PDE4D: variants seen among roughly 807,000 people sequenced by gnomAD.
PDE4D encodes 3',5'-cyclic-AMP phosphodiesterase 4D.
PDE4D carries 24 observed loss-of-function variants against 87.4 expected under a neutral mutation model. The ratio of observed to expected loss-of-function variants is 0.27; its 90% CI spans 0.20 to 0.39. PDE4D has a LOEUF of 0.39. Among genes scored for constraint, PDE4D ranks in the 10% least tolerant of loss-of-function variants. The probability of loss-of-function intolerance (pLI) is 1.00; values close to 1 mark genes in which losing one functional copy is unlikely to be tolerated. For synonymous variants in PDE4D, 384 were observed against 383.2 expected (o/e 1.00, Z -0.02); for missense variants, 714 against 1,041.0 (o/e 0.69, Z 4.32).
At chr5:60,139,293 C>T (rs1188581325) in intron 2 of PDE4D, among the ~76,000 whole-genome samples, 1 of 152,068 alleles carries the variant, frequency 6.6e-6, no homozygotes, top group East Asian at 1.9e-4. Context: ...ATGCTACACT[C>T]ATCAGGTTTT....
chr5:59,036,892 T>C (rs1388166662), intron 6 of PDE4D, among the ~76,000 whole-genome samples: 1 of 152,184 alleles, frequency 6.6e-6, no homozygotes, highest in Non-Finnish European at 1.5e-5. Flanking sequence ...GACTACATTT[T>C]GAAAAAATTA....
At chr5:59,252,696 A>C (rs1056496811) in intron 1 of PDE4D, among the ~76,000 whole-genome samples, 4 of 151,812 alleles carry the variant, frequency 2.6e-5, no homozygotes, top group Non-Finnish European at 4.4e-5. Context: ...GAATTTTTAA[A>C]AATATTTTTT....
At chr5:59,250,208 G>A (rs556916282) in intron 1 of PDE4D, among the ~76,000 whole-genome samples, 2 of 151,434 alleles carry the variant, frequency 1.3e-5, no homozygotes, top group African/African-American at 4.8e-5. Flanking sequence ...ACTATTTTAA[G>A]GGCTGGGCAT....
At chr5:60,485,711 AT>A (rs1253423473) in intron 1 of PDE4D, among the ~76,000 whole-genome samples, 1 of 151,764 alleles carries the variant, frequency 6.6e-6, no homozygotes, top group East Asian at 1.9e-4. Flanking sequence ...TGTTTGGGAG[AT>A]TTTTTTTGCT....
intron 6 of PDE4D, among the ~76,000 whole-genome samples, chr5:59,019,181 T>C (rs1438477234): frequency 6.6e-6 from 1 of 152,068 alleles, no homozygotes; most frequent in East Asian, 1.9e-4. Context: ...AAGTCTTATG[T>C]ATGCTGTCAC....
At chr5:60,043,321 T>C (rs1477806612) in intron 2 of PDE4D, among the ~76,000 whole-genome samples, 1 of 152,184 alleles carries the variant, frequency 6.6e-6, no homozygotes, top group Non-Finnish European at 1.5e-5. Context: ...TTACGTTTGA[T>C]TGGTGTACCT....
chr5:59,163,109 T>TC (rs1781385067), intron 5 of PDE4D, among the ~76,000 whole-genome samples: 1 of 124,952 alleles, frequency 8.0e-6, no homozygotes, highest in South Asian at 2.3e-4. Flanking sequence ...CCTGGCTACT[T>TC]TTTTTTTTTT....
intron 5 of PDE4D, among the ~76,000 whole-genome samples, chr5:59,057,801 A>C (rs940434042): frequency 6.6e-5 from 10 of 152,214 alleles, no homozygotes; most frequent in East Asian, 5.8e-4. Context: ...AAAATAAATT[A>C]GCAGTCTGGA....
At chr5:59,470,379 G>A (rs1339406132) in intron 1 of PDE4D, among the ~76,000 whole-genome samples, 2 of 152,054 alleles carry the variant, frequency 1.3e-5, no homozygotes, top group Non-Finnish European at 2.9e-5. Context: ...ACTGTCCCCT[G>A]GTTCTTGTTA....
chr5:59,866,452 T>C (rs1747054392), intron 1 of PDE4D, among the ~76,000 whole-genome samples: 1 of 152,124 alleles, frequency 6.6e-6, no homozygotes, highest in Non-Finnish European at 1.5e-5. Context: ...GCTTATTCCA[T>C]CACAAAGAAA....
intron 1 of PDE4D, among the ~76,000 whole-genome samples, chr5:59,348,623 CTT>C (rs5868176): frequency 3.8e-5 from 5 of 130,064 alleles, no homozygotes; most frequent in Admixed American, 8.0e-5. Context: ...CACTTCAAAG[CTT>C]TTTTTTTTTT....
At chr5:60,156,862 T>A (rs1440128424) in intron 2 of PDE4D, among the ~76,000 whole-genome samples, 2 of 152,140 alleles carry the variant, frequency 1.3e-5, no homozygotes, top group Admixed American at 1.3e-4. Flanking sequence ...GATGCTTATA[T>A]AATATACCAT....
At chr5:59,171,827 T>A (rs1782817693) in intron 5 of PDE4D, among the ~76,000 whole-genome samples, 1 of 132,226 alleles carries the variant, frequency 7.6e-6, no homozygotes, top group Admixed American at 8.1e-5. Flanking sequence ...AATTATTTAA[T>A]ATATATTTTA....
At chr5:59,118,182 C>G (rs1241147560) in intron 5 of PDE4D, among the ~76,000 whole-genome samples, 1 of 152,176 alleles carries the variant, frequency 6.6e-6, no homozygotes, top group Non-Finnish European at 1.5e-5. Context: ...CTTATTGAAC[C>G]TTGGAATTGT....
chr5:59,744,356 T>C (rs1245323343), intron 1 of PDE4D, among the ~76,000 whole-genome samples: 5 of 152,182 alleles, frequency 3.3e-5, no homozygotes, highest in African/African-American at 4.8e-5. Flanking sequence ...AGACACATCA[T>C]GGCAGAATAT....
At chr5:60,425,991 C>A (rs1214431574) in intron 1 of PDE4D, among the ~76,000 whole-genome samples, 2 of 152,344 alleles carry the variant, frequency 1.3e-5, no homozygotes, top group South Asian at 2.1e-4. Context: ...GAGATATCAT[C>A]TCACACCAGT....
rs1223486787 is a variant in PDE4D, at chr5:58,999,859, T to G, written c.922-6394A>C. ...TCTTTCTCTCCCGAGCTCCAGGGCT[T>G]AATGAATAATGTATGTCAAGATGCT... On this transcript the variant is annotated intron_variant, in intron 6 of 14. Coordinates refer to ENST00000340635, the MANE Select transcript of PDE4D (RefSeq NM_001104631.2). 11 of 987,476 alleles carry G rather than the reference T, an allele frequency of 1.1e-5. No homozygotes were observed. In the Admixed American group the frequency reaches 6.1e-4, roughly 55 times the overall value. 61.2% of individuals were successfully genotyped at this position (987,476 alleles called of 1,614,324 possible). A position where few individuals can be genotyped will look rare whatever the true frequency, so the allele number is the denominator to read the frequency against.
intron 1 of PDE4D, among the ~76,000 whole-genome samples, chr5:59,400,812 G>C (rs1422163021): frequency 2.0e-5 from 3 of 152,006 alleles, no homozygotes; most frequent in Admixed American, 6.6e-5. Context: ...AGATATGAGA[G>C]AAAATGCTAA....
At chr5:59,354,484 T>G (rs930983372) in intron 1 of PDE4D, among the ~76,000 whole-genome samples, 4 of 152,180 alleles carry the variant, frequency 2.6e-5, no homozygotes, top group African/African-American at 9.6e-5. Context: ...TGTGCGTGCA[T>G]GTGCCTGTGT....
Sources: gnomAD v4.1 joint callset for allele counts (sites outside exome capture counted in the v4.1 genomes callset) on GRCh38, gnomAD v4.1.1 for gene constraint, MANE v1.5 for transcripts, NCBI Gene and HGNC (gene_info 2026-07-23, HGNC 2026-07-21) for gene names.